The following CHAF1A variants were observed in gnomAD, a reference collection of about 807,000 sequenced individuals.
CHAF1A encodes the protein CAF-1 subunit A.
In CHAF1A, 5 loss-of-function variants were observed where a neutral mutation model predicts 93.2. The observed-to-expected ratio is 0.05, with a 90% CI of 0.03 to 0.11. The LOEUF is 0.11. Ranked by LOEUF, CHAF1A falls within the 10% of genes least tolerant of loss-of-function variation. The pLI is 1.00. For missense variants in CHAF1A, 1,102 were observed against 1,259.9 expected (o/e 0.87, Z 1.90); for synonymous variants, 504 against 510.3 (o/e 0.99, Z 0.17).
intron 3 of CHAF1A, among the ~76,000 whole-genome samples, chr19:4,416,197 A>G (rs1441666297): frequency 6.6e-6 from 1 of 152,196 alleles, no homozygotes; most frequent in East Asian, 1.9e-4. Flanking sequence ...AATCACTTAC[A>G]TAATTTTGTT....
In CHAF1A at chr19:4,432,089, C is replaced by T. The variant is rs746135415; in HGVS notation, c.2085C>T (p.Asp695=). 20 of 1,614,066 alleles carry T rather than the reference C, an allele frequency of 1.2e-5. No individual in the cohort carries two copies. The highest frequency in any genetic ancestry group is 1.5e-5 in the Non-Finnish European group (18 of 1,180,018). ...GCTGCGTGTGGGCGGCTGACAGAGA[C>T]TGCGCAGGCGATGACCTGAAGGTAC... ...KIGCVWAADR[D]CAGDDLKVLQ... Residue 695 remains aspartate, a synonymous_variant, in exon 12 of 15, where the codon GAC becomes GAT. Transcript: ENST00000301280.
At position 4,433,476 on chromosome 19, in the gene CHAF1A, G is replaced by C. The variant is rs1389459659; in HGVS notation, c.2610G>C (p.Lys870Asn). Residue 870 changes from lysine (K) to asparagine (N), a missense_variant, in exon 13 of 15, where the codon AAG (lysine) becomes AAC (asparagine). Coordinates refer to ENST00000301280, the MANE Select transcript of CHAF1A (RefSeq NM_005483.3). The surrounding 1 kb of genome is among the most constrained non-coding windows in gnomAD (Gnocchi z 5.6). ...GCCAGGGCACTCCCATCTCGCTGAA[G>C]AGGAAGTCAGCGGGCAGCATGTGCA... Reference protein sequence around the residue: ...GPSQGTPISLKRKSAGSMCIT... With the variant: ...GPSQGTPISLNRKSAGSMCIT... 1.9e-6 allele frequency: 3 copies of C among 1,598,050 alleles called. No individual in the cohort carries two copies. The highest frequency in any genetic ancestry group is 1.7e-6 in the Non-Finnish European group (2 of 1,167,012).
At position 4,409,558 on chromosome 19, in the gene CHAF1A, C is replaced by G. The variant is rs776818165; in HGVS notation, c.759C>G (p.Ile253Met). Residue 253 changes from isoleucine (I) to methionine (M), a missense_variant, in exon 3 of 15, where the codon ATC (isoleucine) becomes ATG (methionine). This residue lies in a region of CHAF1A where 379 missense variants were observed against 365.7 expected (regional missense o/e 1.04). Coordinates refer to ENST00000301280, the MANE Select transcript of CHAF1A (RefSeq NM_005483.3). ...TCTTGGCTGTGAGACCACCGCAAAT[C>G]AAGTCCCTTCCAGCCACACCCCAAG... ...QDILAVRPPQ[I>M]KSLPATPQGK... 5.0e-6 allele frequency: 8 copies of G among 1,614,106 alleles called. No individual in the cohort carries two copies. In the Admixed American group the frequency reaches 5.0e-5, roughly 10 times the overall value.
intron 2 of CHAF1A, 56 bp downstream of exon 2, chr19:4,406,018 T>G: frequency 7.0e-7 from 1 of 1,437,458 alleles, no homozygotes; most frequent in Non-Finnish European, 9.8e-7. Flanking sequence ...CTTCCTTGTC[T>G]CTTGTTGGAG....
At chr19:4,434,679 C>A (rs1974250303) in intron 13 of CHAF1A, among the ~76,000 whole-genome samples, 1 of 151,920 alleles carries the variant, frequency 6.6e-6, no homozygotes, top group Non-Finnish European at 1.5e-5. Context: ...TTTTTTCACA[C>A]TGAATAATAT....
Position 4,422,726 on chromosome 19 carries a change from A to T in CHAF1A, c.1178A>T (p.Asp393Val). Residue 393 changes from aspartate to valine, a missense_variant, in exon 5 of 15, where the codon GAT becomes GTT. Around this residue, in one of 6 missense-constraint regions of CHAF1A, gnomAD observed 165 missense variants for 243.9 expected, o/e 0.68. Transcript: ENST00000301280. This position sits in a 1 kb window ranked among gnomAD's most constrained non-coding sequence, Gnocchi z 4.6. ...GAGAGGCGGGAGAAGCGGGAGAAGG[A>T]TGAGAAGGAGAAGGCGGAGAAGCAG... The part of the protein sequence containing the change: ...EKERREKREK[D>V]EKEKAEKQRL... The T allele has an allele frequency of 6.2e-7, 1 of 1,611,924 alleles. No homozygotes were observed. Among genetic ancestry groups the T allele is most frequent in the Non-Finnish European group, 8.5e-7 (1 of 1,179,218 alleles).
chr19:4,411,370 G>A (rs1973794520), intron 3 of CHAF1A, among the ~76,000 whole-genome samples: 1 of 151,946 alleles, frequency 6.6e-6, no homozygotes, highest in Non-Finnish European at 1.5e-5. Flanking sequence ...GCTGGGATTA[G>A]AGGCACCCGC....
chr19:4,444,179 C>T (rs80124426), downstream of CHAF1A, among the ~76,000 whole-genome samples: 3,028 of 152,258 alleles, frequency 0.02, 36 homozygotes, highest in Non-Finnish European at 0.03. Flanking sequence ...CTCAACAGGC[C>T]GGGTGCCCAC....
At chr19:4,416,536 A>G (rs954094044) in intron 3 of CHAF1A, among the ~76,000 whole-genome samples, 4 of 152,166 alleles carry the variant, frequency 2.6e-5, no homozygotes, top group Admixed American at 6.6e-5. Flanking sequence ...CCTAGAAGGT[A>G]GAAGTCCTAG....
chr19:4,437,733 C>T (rs940490424), intron 13 of CHAF1A, among the ~76,000 whole-genome samples: 4 of 64,210 alleles, frequency 6.2e-5, no homozygotes, highest in African/African-American at 2.6e-4. Context: ...AAGTTTTCAT[C>T]TTTTTTATTT....
rs1398491896 is a variant in CHAF1A at position 4,433,892 on chromosome 19, G to A, written c.2673+353G>A. ...TGGGATTACAGGCGTGAGCCACCTC[G>A]CCTGGTGTTTTTGTGTTTTTTAAAT... On this transcript the variant is annotated intron_variant, in intron 13 of 14. Coordinates refer to ENST00000301280, the MANE Select transcript of CHAF1A (RefSeq NM_005483.3). The surrounding 1 kb of genome is among the most constrained non-coding windows in gnomAD (Gnocchi z 5.6). Among the ~76,000 whole-genome samples, 1 of 151,984 alleles carries A rather than the reference G, an allele frequency of 6.6e-6. No homozygotes were observed. The highest frequency in any genetic ancestry group is 2.4e-5 in the African/African-American group (1 of 41,384).
chr19:4,402,709 G>C lies in CHAF1A; in HGVS notation c.-54G>C. On this transcript the variant is annotated 5_prime_UTR_variant, in exon 1 of 15. Coordinates refer to ENST00000301280, the MANE Select transcript of CHAF1A (RefSeq NM_005483.3). ...GGAGGGCGAAGAGCAGCGGCCGCCTGAGGGGAGCCCGCGCCTCCGCCGCCT... is the reference window on the plus strand; with the variant it reads ...GGAGGGCGAAGAGCAGCGGCCGCCTCAGGGGAGCCCGCGCCTCCGCCGCCT... 2 of 1,133,520 alleles carry C rather than the reference G, an allele frequency of 1.8e-6. No homozygotes were observed. Among genetic ancestry groups the C allele is most frequent in the Non-Finnish European group, 2.2e-6 (2 of 907,924 alleles). 70.2% of individuals were successfully genotyped at this position (1,133,520 alleles called of 1,614,324 possible). A position where few individuals can be genotyped will look rare whatever the true frequency, so the allele number is the denominator to read the frequency against.
chr19:4,418,531 T>C (rs1216596133), intron 4 of CHAF1A, among the ~76,000 whole-genome samples: 1 of 150,462 alleles, frequency 6.6e-6, no homozygotes, highest in Non-Finnish European at 1.5e-5. Flanking sequence ...TTCTCCTGGC[T>C]CAGCCTCCCC....
intron 3 of CHAF1A, among the ~76,000 whole-genome samples, chr19:4,411,499 G>A (rs1599640269): frequency 6.6e-6 from 1 of 151,948 alleles, no homozygotes; most frequent in Non-Finnish European, 1.5e-5. Flanking sequence ...CAAGTTTCTG[G>A]GATTATAGGC....
downstream of CHAF1A, chr19:4,446,710 T>C: frequency 6.2e-7 from 1 of 1,608,976 alleles, no homozygotes; most frequent in Non-Finnish European, 8.5e-7. Context: ...GTAGAACTCC[T>C]CGGGGTCCTC....
downstream of CHAF1A, chr19:4,448,192 G>C: frequency 1.2e-6 from 1 of 839,118 alleles, no homozygotes; most frequent in South Asian, 1.6e-5. Context: ...CCTCACTCTC[G>C]GCCTATGCTC....
At chr19:4,406,433 ATTT>A (rs35200206) in intron 2 of CHAF1A, among the ~76,000 whole-genome samples, 6 of 133,208 alleles carry the variant, frequency 4.5e-5, no homozygotes, top group Admixed American at 7.8e-5. Context: ...TTGGATTGTA[ATTT>A]TTTTTTTTTT....
intron 2 of CHAF1A, among the ~76,000 whole-genome samples, chr19:4,407,953 A>G (rs1030804489): frequency 1.3e-5 from 2 of 152,062 alleles, no homozygotes; most frequent in Non-Finnish European, 2.9e-5. Context: ...TCCAAAAGAA[A>G]AAAAAATAAG....
intron 13 of CHAF1A, among the ~76,000 whole-genome samples, chr19:4,439,757 C>A (rs1490630959): frequency 6.6e-6 from 1 of 152,240 alleles, no homozygotes; most frequent in Non-Finnish European, 1.5e-5. Flanking sequence ...TGAAAATGGC[C>A]GTAGGCCAGG....
Sources: allele counts gnomAD v4.1 joint callset (sites outside exome capture counted in the v4.1 genomes callset), GRCh38; gene constraint gnomAD v4.1.1; regional missense constraint gnomAD v4.1.1; non-coding constraint Gnocchi (gnomAD v3.1); transcripts MANE v1.5; gene names NCBI Gene and HGNC (gene_info 2026-07-23, HGNC 2026-07-21).